FBXL13: variants seen among roughly 807,000 people sequenced by gnomAD.
The protein encoded by FBXL13 is F-box and leucine rich repeat protein 13, also known as F-box and leucine-rich repeat protein 13.
A neutral mutation model predicts 83.6 loss-of-function variants in FBXL13; 67 were observed. The observed-to-expected ratio is 0.80, with a 90% CI of 0.66 to 0.98. The LOEUF (loss-of-function observed/expected upper bound fraction) is 0.98, where lower values mean the gene tolerates loss of function less well. Ranked by LOEUF, FBXL13 falls within the 50% of genes least tolerant of loss-of-function variation. The probability of loss-of-function intolerance (pLI) is 0.00; values close to 1 mark genes in which losing one functional copy is unlikely to be tolerated. For missense variants in FBXL13, 822 were observed against 866.5 expected, an observed-to-expected ratio of 0.95 and a Z score of 0.64; for synonymous variants, 272 against 299.5, an observed-to-expected ratio of 0.91 and a Z score of 0.95.
chr7:102,917,105 G>C (rs1816050365), intron 10 of FBXL13, among the ~76,000 whole-genome samples: 1 of 152,144 alleles, frequency 6.6e-6, no homozygotes, highest in South Asian at 2.1e-4. Context: ...TGGGCTCTCT[G>C]GTTTCACAGA....
intron 1 of FBXL13, among the ~76,000 whole-genome samples, chr7:103,065,275 C>G (rs895300184): frequency 2.6e-5 from 4 of 152,194 alleles, no homozygotes; most frequent in Non-Finnish European, 5.9e-5. Flanking sequence ...CACCCAGTTT[C>G]AACAATAATT....
intron 6 of FBXL13, among the ~76,000 whole-genome samples, chr7:102,997,565 C>T (rs888724132): frequency 6.6e-6 from 1 of 152,142 alleles, no homozygotes; most frequent in Admixed American, 6.5e-5. Context: ...CACTCTCTAT[C>T]CCCCCATACT....
At chr7:102,897,788 G>T (rs1263766514) in intron 11 of FBXL13, among the ~76,000 whole-genome samples, 2 of 152,052 alleles carry the variant, frequency 1.3e-5, no homozygotes, top group Non-Finnish European at 2.9e-5. Context: ...CTGACACTTT[G>T]ATCAAAGAAT....
chr7:103,049,131 T>C (rs1355649523), intron 2 of FBXL13, among the ~76,000 whole-genome samples: 1 of 152,200 alleles, frequency 6.6e-6, no homozygotes, highest in African/African-American at 2.4e-5. Context: ...GAATTTACTC[T>C]ACAAGATCCT....
chr7:103,017,627 A>C (rs1792526278), intron 6 of FBXL13, among the ~76,000 whole-genome samples: 1 of 152,234 alleles, frequency 6.6e-6, no homozygotes, highest in Non-Finnish European at 1.5e-5. Context: ...AGAAGTCCTT[A>C]AATGATCTGA....
intron 16 of FBXL13, among the ~76,000 whole-genome samples, 182 bp from the exon 18 acceptor site, chr7:102,855,042 C>G (rs544717939): frequency 6.6e-6 from 1 of 152,064 alleles, no homozygotes; most frequent in Non-Finnish European, 1.5e-5. Flanking sequence ...TAGGCAATGC[C>G]ATTAAGTAAA....
intron 17 of FBXL13, among the ~76,000 whole-genome samples, chr7:102,851,433 T>C (rs1391636261): frequency 1.4e-5 from 1 of 71,466 alleles, no homozygotes; most frequent in Non-Finnish European, 2.5e-5. Context: ...TCTTTCTCTC[T>C]TTCTTCCCTC....
At chr7:102,912,767 T>C (rs2129469004) in intron 11 of FBXL13, among the ~76,000 whole-genome samples, 1 of 148,458 alleles carries the variant, frequency 6.7e-6, no homozygotes, top group Admixed American at 6.7e-5. Context: ...TTTGTTTGTG[T>C]CTTGGTAGCA....
intron 8 of FBXL13, among the ~76,000 whole-genome samples, chr7:102,935,892 G>A (rs560239832): frequency 2.0e-5 from 3 of 152,308 alleles, no homozygotes; most frequent in Non-Finnish European, 4.4e-5. Context: ...AAGAGAAAGG[G>A]GAAGTTCAGA....
intron 10 of FBXL13, among the ~76,000 whole-genome samples, chr7:102,923,825 A>AAAAT (rs1420683746): frequency 2.0e-5 from 3 of 152,080 alleles, no homozygotes; most frequent in East Asian, 3.9e-4. Context: ...ATGCCATCTC[A>AAAAT]AAATAAATAA....
intron 8 of FBXL13, among the ~76,000 whole-genome samples, chr7:102,949,074 C>T (rs992140574): frequency 1.2e-4 from 18 of 152,084 alleles, no homozygotes; most frequent in Non-Finnish European, 2.1e-4. Flanking sequence ...ATAAGGATTA[C>T]AACTGTTGTG....
intron 2 of FBXL13, among the ~76,000 whole-genome samples, chr7:103,046,078 C>A (rs1006283956): frequency 4.6e-5 from 7 of 152,270 alleles, no homozygotes; most frequent in African/African-American, 1.7e-4. Flanking sequence ...GCTCCTTACC[C>A]AGGGTACCCA....
intron 17 of FBXL13, among the ~76,000 whole-genome samples, chr7:102,853,973 G>C (rs1213499497): frequency 6.6e-6 from 1 of 152,130 alleles, no homozygotes; most frequent in Non-Finnish European, 1.5e-5. Context: ...CGATTCCTTA[G>C]GGATCTAGAA....
At chr7:102,852,395 G>C (rs965144990) in intron 17 of FBXL13, among the ~76,000 whole-genome samples, 2 of 152,086 alleles carry the variant, frequency 1.3e-5, no homozygotes. Flanking sequence ...AGAGTAAACA[G>C]ACAATGCACA....
In FBXL13 at chr7:102,926,174, T is replaced by C. The variant is rs78332056; in HGVS notation, c.878+100A>G. 1.2e-3 allele frequency: 1,084 copies of C among 871,248 alleles called. 26 individuals are homozygous for C. In the East Asian group the frequency reaches 0.029, roughly 24 times the overall value. 54.0% of individuals were successfully genotyped at this position (871,248 alleles called of 1,614,324 possible). On this transcript the variant is annotated intron_variant, in intron 10 of 19. Coordinates refer to ENST00000313221, the Ensembl canonical transcript of FBXL13. ...GAAAAGCAGTGCCACAGTGGTGGGGTGTTGATAAAGGGAGCACTGCCCTTG... is the reference window on the plus strand; with the variant it reads ...GAAAAGCAGTGCCACAGTGGTGGGGCGTTGATAAAGGGAGCACTGCCCTTG...
intron 11 of FBXL13, among the ~76,000 whole-genome samples, chr7:102,910,135 C>G (rs935675770): frequency 1.3e-5 from 2 of 152,124 alleles, no homozygotes; most frequent in African/African-American, 4.8e-5. Context: ...TGGGCATCAG[C>G]TGAGTTTGGT....
chr7:102,920,848 T>C (rs117103238), intron 10 of FBXL13, among the ~76,000 whole-genome samples: 2,175 of 152,312 alleles, frequency 0.014, 19 homozygotes, highest in Non-Finnish European at 0.022. Context: ...AGGTTAACTA[T>C]GTTGATAACA....
At chr7:102,934,330 CCAGAT>C in intron 8 of FBXL13, 1 of 1,614,106 alleles carries the variant, frequency 6.2e-7, no homozygotes, top group Admixed American at 1.7e-5. Flanking sequence ...TGCAGCACAA[CCAGAT>C]CAAAGTCTTG....
chr7:103,018,578 A>C (rs1206289582), intron 6 of FBXL13, among the ~76,000 whole-genome samples: 1 of 152,162 alleles, frequency 6.6e-6, no homozygotes, highest in Admixed American at 6.6e-5. Flanking sequence ...TCAGGAAACC[A>C]ATTTCACATG....
Sources: allele counts gnomAD v4.1 joint callset (sites outside exome capture counted in the v4.1 genomes callset), GRCh38; gene constraint gnomAD v4.1.1; transcripts MANE v1.5; gene names NCBI Gene and HGNC (gene_info 2026-07-23, HGNC 2026-07-21).